The following EPS15L1 variants were observed in gnomAD, a reference collection of about 807,000 sequenced individuals.
EPS15L1 encodes the protein epidermal growth factor receptor pathway substrate 15 like 1.
A neutral mutation model predicts 117.1 loss-of-function variants in EPS15L1; 43 were observed. The ratio of observed to expected loss-of-function variants is 0.37; its 90% CI spans 0.29 to 0.47. The LOEUF is 0.47. Among genes scored for constraint, EPS15L1 ranks in the 20% least tolerant of loss-of-function variants. The probability of loss-of-function intolerance (pLI) is 0.99; values close to 1 mark genes in which losing one functional copy is unlikely to be tolerated. For missense variants in EPS15L1, 981 were observed against 1,164.0 expected (o/e 0.84, Z 2.29); for synonymous variants, 459 against 470.5 (o/e 0.98, Z 0.32).
intron 1 of EPS15L1, among the ~76,000 whole-genome samples, chr19:16,444,423 A>G (rs1488227470): frequency 2.0e-5 from 3 of 152,162 alleles, no homozygotes; most frequent in African/African-American, 7.2e-5. Context: ...TATCACCCTT[A>G]GCATCTTACA....
At chr19:16,393,905 G>C in intron 18 of EPS15L1, 46 bp downstream of exon 18, 3 of 1,593,268 alleles carry the variant, frequency 1.9e-6, no homozygotes, top group Non-Finnish European at 2.6e-6. Flanking sequence ...TCTGAGCCAG[G>C]ACTGGACACA....
rs1031759820 is a variant in EPS15L1 at position 16,405,116 on chromosome 19, T to A, written c.1267-367A>T. On this transcript the variant is annotated intron_variant, in intron 13 of 23. Coordinates refer to ENST00000455140, the MANE Select transcript of EPS15L1 (RefSeq NM_001258374.3). The surrounding 1 kb of genome is among the most constrained non-coding windows in gnomAD (Gnocchi z 4.0). ...ACGTGGACAAGTGGCACCAAGGGGG[T>A]CACAGGGAAACTACAGTCACACCTT... Among the ~76,000 whole-genome samples, 1 of 151,616 alleles carries A rather than the reference T, an allele frequency of 6.6e-6. No individual in the cohort carries two copies. The highest frequency in any genetic ancestry group is 1.5e-5 in the Non-Finnish European group (1 of 67,900).
chr19:16,400,370 AAC>A lies in EPS15L1; in HGVS notation c.1791+1949_1791+1950del, dbSNP rs750336545. On this transcript the variant is annotated intron_variant, in intron 16 of 23. Coordinates refer to ENST00000455140, the MANE Select transcript of EPS15L1 (RefSeq NM_001258374.3). ...AAAAACAAAAACAAAAAAAAAAAAA[AAC>A]CCCTGACTTTTGAGATAAAGTCACA... Among the ~76,000 whole-genome samples, 16 of 151,808 alleles carry A rather than the reference AAC, an allele frequency of 1.1e-4. 1 individual carries two copies. The highest frequency in any genetic ancestry group is 4.6e-4 in the Admixed American group (7 of 15,128).
chr19:16,450,809 C>T (rs991020220), intron 1 of EPS15L1, among the ~76,000 whole-genome samples: 5 of 151,630 alleles, frequency 3.3e-5, no homozygotes, highest in African/African-American at 1.2e-4. Flanking sequence ...CTGCTGGTCT[C>T]GCAAGGTGGT....
At chr19:16,388,965 C>T (rs752201350) in intron 19 of EPS15L1, among the ~76,000 whole-genome samples, 1 of 152,072 alleles carries the variant, frequency 6.6e-6, no homozygotes, top group Admixed American at 6.6e-5. Context: ...AGAATGACAA[C>T]AGGCCTGGCA....
intron 2 of EPS15L1, 54 bp downstream of exon 2, chr19:16,442,124 C>T (rs2093038020): frequency 6.4e-7 from 1 of 1,557,290 alleles, no homozygotes; most frequent in Non-Finnish European, 8.9e-7. Flanking sequence ...CTGTACTGTG[C>T]TTTCAGCTCA....
chr19:16,369,925 C>T (rs1237994604), intron 22 of EPS15L1, among the ~76,000 whole-genome samples: 1 of 152,236 alleles, frequency 6.6e-6, no homozygotes, highest in East Asian at 1.9e-4. Flanking sequence ...TATGCATGAG[C>T]CAGGCACGGG....
intron 8 of EPS15L1, 23 bp downstream of exon 8, chr19:16,428,679 G>C: frequency 6.2e-7 from 1 of 1,603,348 alleles, no homozygotes; most frequent in South Asian, 1.1e-5. Context: ...TGGGCTGGGT[G>C]GGGAGGAAAC....
At chr19:16,455,228 C>T (rs999790514) in intron 1 of EPS15L1, among the ~76,000 whole-genome samples, 4 of 152,330 alleles carry the variant, frequency 2.6e-5, no homozygotes, top group Non-Finnish European at 5.9e-5. Context: ...AGTGATCCTC[C>T]TGCCTTAGCC....
intron 7 of EPS15L1, among the ~76,000 whole-genome samples, chr19:16,430,973 G>A (rs1024276295): frequency 6.6e-5 from 10 of 152,142 alleles, no homozygotes; most frequent in Admixed American, 2.0e-4. Context: ...AGTGGCTCAC[G>A]ACTGTCATCC....
rs1400943850 is a variant in EPS15L1, at chr19:16,471,293, G to A, written c.33+620C>T. ...GAATGAAAGTCTCTCCCAAATAACA[G>A]AGCTGCCTACGCATGGCTCTTTTTC... is the stretch of plus-strand genomic sequence containing the variant. On this transcript the variant is annotated intron_variant, in intron 1 of 23. Coordinates refer to ENST00000455140, the MANE Select transcript of EPS15L1 (RefSeq NM_001258374.3). The surrounding 1 kb of genome is among the most constrained non-coding windows in gnomAD (Gnocchi z 4.8). 1.3e-5 allele frequency among the ~76,000 whole-genome samples: 2 copies of A among 152,230 alleles called. No homozygotes were observed. The highest frequency in any genetic ancestry group is 2.9e-5 in the Non-Finnish European group (2 of 68,042).
intron 16 of EPS15L1, among the ~76,000 whole-genome samples, chr19:16,396,539 T>C (rs1478522092): frequency 2.0e-5 from 3 of 152,188 alleles, no homozygotes; most frequent in East Asian, 1.9e-4. Flanking sequence ...ACTGGGATTA[T>C]AGGCATGAGC....
chr19:16,372,005 G>A (rs1163209369), intron 22 of EPS15L1, among the ~76,000 whole-genome samples: 4 of 152,188 alleles, frequency 2.6e-5, no homozygotes. Context: ...ACAGACACCT[G>A]CTGGTTATTT....
At chr19:16,451,177 C>T (rs2093138580) in intron 1 of EPS15L1, among the ~76,000 whole-genome samples, 2 of 152,130 alleles carry the variant, frequency 1.3e-5, no homozygotes, top group African/African-American at 4.8e-5. Context: ...TCTTGAACTC[C>T]TGACCTCAGG....
At chr19:16,393,312 C>T (rs1429527204) in intron 18 of EPS15L1, among the ~76,000 whole-genome samples, 1 of 151,742 alleles carries the variant, frequency 6.6e-6, no homozygotes, top group Non-Finnish European at 1.5e-5. Context: ...GAATTGGATG[C>T]TTTAAAACAG....
chr19:16,467,805 G>A (rs551498696), intron 1 of EPS15L1, among the ~76,000 whole-genome samples: 2 of 152,194 alleles, frequency 1.3e-5, no homozygotes, highest in African/African-American at 2.4e-5. Flanking sequence ...CAGGCCATCT[G>A]GAACAGCAGG....
intron 22 of EPS15L1, among the ~76,000 whole-genome samples, chr19:16,373,782 T>C (rs1004548890): frequency 1.6e-4 from 25 of 152,270 alleles, no homozygotes; most frequent in African/African-American, 6.0e-4. Flanking sequence ...CAAACACTTC[T>C]CCCCAACATG....
chr19:16,414,142 G>A (rs1288287134), intron 12 of EPS15L1, among the ~76,000 whole-genome samples: 3 of 152,146 alleles, frequency 2.0e-5, no homozygotes, highest in East Asian at 1.9e-4. Flanking sequence ...GACCCAGAGC[G>A]CCCTTGCTGA....
chr19:16,375,461 CAT>C (rs1033161448), intron 22 of EPS15L1, among the ~76,000 whole-genome samples: 7 of 101,938 alleles, frequency 6.9e-5, no homozygotes, highest in South Asian at 3.8e-4. Context: ...TGTGATTATG[CAT>C]ATATGTGTGT....
Sources: gnomAD v4.1 joint callset for allele counts (sites outside exome capture counted in the v4.1 genomes callset) on GRCh38, gnomAD v4.1.1 for gene constraint, Gnocchi (gnomAD v3.1) non-coding constraint, MANE v1.5 for transcripts, NCBI Gene and HGNC (gene_info 2026-07-23, HGNC 2026-07-21) for gene names.